Variants in PAK1 observed in about 807,000 individuals in gnomAD.
PAK1 encodes serine/threonine-protein kinase PAK 1.
A neutral mutation model predicts 67.4 loss-of-function variants in PAK1; 29 were observed. The ratio of observed to expected loss-of-function variants is 0.43; its 90% CI spans 0.32 to 0.59. PAK1 has a LOEUF of 0.59. Among genes scored for constraint, PAK1 ranks in the 20% least tolerant of loss-of-function variants. PAK1 has a pLI of 0.07. For missense variants in PAK1, 337 were observed against 670.7 expected (o/e 0.50, Z 5.50); for synonymous variants, 223 against 237.4 (o/e 0.94, Z 0.56).
chr11:77,511,768 T>C, the PAK1 span, among the ~76,000 whole-genome samples: 1 of 152,374 alleles, frequency 6.6e-6, no homozygotes, highest in Admixed American at 6.5e-5. Context: ...GATTAAAATA[T>C]GAACATTGTT....
At chr11:77,349,308 G>C in intron 8 of PAK1, 21 bp from the exon 9 acceptor site, 1 of 1,582,644 alleles carries the variant, frequency 6.3e-7, no homozygotes, top group Admixed American at 1.8e-5. Flanking sequence ...AGGTGGCGGA[G>C]AAAGAGGGAA....
chr11:77,421,436 C>A (rs1955256591), intron 1 of PAK1, among the ~76,000 whole-genome samples: 1 of 152,166 alleles, frequency 6.6e-6, no homozygotes, highest in Non-Finnish European at 1.5e-5. Context: ...TATCAGCACC[C>A]TTTATTCCAC....
At chr11:77,528,362 C>CTT in the PAK1 span, among the ~76,000 whole-genome samples, 12 of 142,654 alleles carry the variant, frequency 8.4e-5, no homozygotes, top group Non-Finnish European at 1.4e-4. Context: ...ACATATGTCT[C>CTT]TTTTTTTTTT....
chr11:77,465,299 T>C (rs61901816), intron 1 of PAK1, among the ~76,000 whole-genome samples: 13 of 152,170 alleles, frequency 8.5e-5, no homozygotes, highest in Non-Finnish European at 1.9e-4. Flanking sequence ...TTCCAGTTTG[T>C]AACTTCCCAG....
chr11:77,366,535 C>T (rs1055758447), intron 5 of PAK1, among the ~76,000 whole-genome samples: 12 of 152,136 alleles, frequency 7.9e-5, no homozygotes, highest in Non-Finnish European at 1.6e-4. Flanking sequence ...ACATATTTTA[C>T]TGGATTTCAG....
chr11:77,440,907 A>G (rs1217959656), intron 1 of PAK1, among the ~76,000 whole-genome samples: 1 of 151,738 alleles, frequency 6.6e-6, no homozygotes, highest in Middle Eastern at 3.2e-3. Flanking sequence ...TACCTCCTCC[A>G]TTAGTTTGTT....
chr11:77,445,257 G>A (rs1358748374), intron 1 of PAK1, among the ~76,000 whole-genome samples: 3 of 152,132 alleles, frequency 2.0e-5, no homozygotes, highest in Non-Finnish European at 4.4e-5. Context: ...CTCCAGAGGT[G>A]GACCTGCAAA....
In PAK1 at chr11:77,381,651, T is replaced by G. The variant is rs1434240385; in HGVS notation, c.191-1657A>C. 2.0e-5 allele frequency among the ~76,000 whole-genome samples: 3 copies of G among 152,220 alleles called. No homozygotes were observed. In the South Asian group the frequency reaches 6.2e-4, roughly 31 times the overall value. On this transcript the variant is annotated intron_variant, in intron 2 of 14. Transcript: ENST00000356341. ...ATAGTATTTTTCTTCATTCTTACAA[T>G]CCTACAAGATAGATATTACTACCGT...
At chr11:77,362,692 T>A (rs1946955446) in intron 5 of PAK1, among the ~76,000 whole-genome samples, 1 of 152,220 alleles carries the variant, frequency 6.6e-6, no homozygotes, top group Non-Finnish European at 1.5e-5. Context: ...AATTCATTTT[T>A]AAAATACTCA....
intron 1 of PAK1, among the ~76,000 whole-genome samples, chr11:77,472,414 GCT>G (rs1039092719): frequency 1.1e-4 from 17 of 152,222 alleles, no homozygotes; most frequent in Admixed American, 3.3e-4. Context: ...GAAGAAATCA[GCT>G]CTGTCTGTAA....
At chr11:77,386,547 T>A (rs998387242) in intron 2 of PAK1, among the ~76,000 whole-genome samples, 1 of 152,144 alleles carries the variant, frequency 6.6e-6, no homozygotes, top group Non-Finnish European at 1.5e-5. Context: ...CTCTTTCCAA[T>A]CATTTATGCA....
intron 1 of PAK1, among the ~76,000 whole-genome samples, chr11:77,467,078 G>C (rs1262096138): frequency 1.3e-5 from 2 of 152,084 alleles, no homozygotes; most frequent in Admixed American, 1.3e-4. Context: ...AAACTACACA[G>C]GGCTCCCCAA....
the PAK1 span, among the ~76,000 whole-genome samples, chr11:77,526,958 C>G: frequency 2.0e-5 from 3 of 151,812 alleles, no homozygotes; most frequent in Non-Finnish European, 4.4e-5. Flanking sequence ...CTAAAGCCTC[C>G]TTTTTCTGGA....
rs546257540 is a variant in PAK1, at chr11:77,452,116, A to G, written c.-22+21436T>C. Among the ~76,000 whole-genome samples the G allele has an allele frequency of 9.2e-5, 14 of 152,356 alleles. No individual in the cohort carries two copies. The South Asian group carries it at 2.7e-3, about 29-fold the overall frequency. ...TAATAAGTGATGGAGCTAAAAATTC[A>G]TAAGTAAATTGGCCACGTCCACTTT... On this transcript the variant is annotated intron_variant, in intron 1 of 14. Transcript: ENST00000356341.
the PAK1 span, among the ~76,000 whole-genome samples, chr11:77,514,571 C>T: frequency 3.9e-5 from 6 of 152,130 alleles, no homozygotes; most frequent in African/African-American, 1.4e-4. Context: ...TAACTGAAAA[C>T]CTGGATGACA....
intron 4 of PAK1, among the ~76,000 whole-genome samples, chr11:77,374,651 G>A (rs941930795): frequency 2.6e-5 from 4 of 152,154 alleles, no homozygotes; most frequent in African/African-American, 9.7e-5. Context: ...GGTATGTTCT[G>A]TGAAATGTGT....
intron 1 of PAK1, among the ~76,000 whole-genome samples, chr11:77,419,025 A>T (rs1955117887): frequency 6.6e-6 from 1 of 152,218 alleles, no homozygotes; most frequent in South Asian, 2.1e-4. Flanking sequence ...GTTCTGAAAA[A>T]CCAAACGCTG....
At chr11:77,528,528 A>G in the PAK1 span, among the ~76,000 whole-genome samples, 41 of 152,058 alleles carry the variant, frequency 2.7e-4, no homozygotes, top group African/African-American at 9.7e-4. Context: ...AACTTTTGGT[A>G]GAGATGAAGC....
intron 9 of PAK1, among the ~76,000 whole-genome samples, chr11:77,347,789 TATGTAGTTCATAAA>T (rs1422024987): frequency 2.0e-5 from 3 of 152,204 alleles, no homozygotes; most frequent in Admixed American, 1.3e-4. Flanking sequence ...TAAATATGAA[TATGTAGTTCATAAA>T]GTTTATAATG....
Sources: gnomAD v4.1 joint callset for allele counts (sites outside exome capture counted in the v4.1 genomes callset) on GRCh38, gnomAD v4.1.1 for gene constraint, MANE v1.5 for transcripts, NCBI Gene and HGNC (gene_info 2026-07-23, HGNC 2026-07-21) for gene names.